NTRK3: variants seen among roughly 807,000 people sequenced by gnomAD.
NTRK3 encodes the protein NT-3 growth factor receptor.
NTRK3 carries 24 observed loss-of-function variants against 91.7 expected under a neutral mutation model. The ratio of observed to expected loss-of-function variants is 0.26; its 90% CI spans 0.19 to 0.37. The LOEUF is 0.37. Ranked by LOEUF, NTRK3 falls within the 10% of genes least tolerant of loss-of-function variation. The pLI is 1.00. For missense variants in NTRK3, 880 were observed against 1,068.9 expected, an observed-to-expected ratio of 0.82 and a Z score of 2.46; for synonymous variants, 483 against 404.0, an observed-to-expected ratio of 1.20 and a Z score of -2.34.
exon 19 of NTRK3, chr15:87,860,402 C>T: frequency 4.5e-6 from 1 of 220,534 alleles, no homozygotes; most frequent in Non-Finnish European, 9.1e-6. Flanking sequence ...AGGGTGGGCA[C>T]TTGCCTTTTC....
At chr15:87,946,502 A>G (rs1331930441) in intron 14 of NTRK3, among the ~76,000 whole-genome samples, 1 of 152,008 alleles carries the variant, frequency 6.6e-6, no homozygotes, top group African/African-American at 2.4e-5. Context: ...TGTCTTGGGG[A>G]CCACGTGTGT....
At chr15:87,932,659 G>C (rs1317458967) in intron 16 of NTRK3, among the ~76,000 whole-genome samples, 1 of 152,150 alleles carries the variant, frequency 6.6e-6, no homozygotes, top group African/African-American at 2.4e-5. Context: ...AAGGGAGAAA[G>C]CTATTTGCAA....
At chr15:88,152,453 T>A (rs1263892846) in intron 5 of NTRK3, among the ~76,000 whole-genome samples, 2 of 151,954 alleles carry the variant, frequency 1.3e-5, no homozygotes, top group East Asian at 3.8e-4. Flanking sequence ...AAGAAGAGAA[T>A]TAGGACACAG....
At chr15:88,073,784 C>G (rs750408473) in intron 13 of NTRK3, among the ~76,000 whole-genome samples, 7 of 151,970 alleles carry the variant, frequency 4.6e-5, no homozygotes, top group Non-Finnish European at 1.0e-4. Context: ...AACACCCCCC[C>G]GCCCCACCCC....
intron 5 of NTRK3, among the ~76,000 whole-genome samples, chr15:88,155,449 C>T (rs1199812456): frequency 6.6e-6 from 1 of 152,198 alleles, no homozygotes; most frequent in Non-Finnish European, 1.5e-5. Context: ...CCTGATGAGA[C>T]CCATGTTGAA....
At chr15:87,995,894 T>C (rs1320276724) in intron 14 of NTRK3, among the ~76,000 whole-genome samples, 3 of 152,224 alleles carry the variant, frequency 2.0e-5, no homozygotes, top group African/African-American at 7.2e-5. Flanking sequence ...GAATTTCATA[T>C]AATTTTCACG....
intron 3 of NTRK3, among the ~76,000 whole-genome samples, chr15:88,250,036 C>A (rs1055710473): frequency 3.3e-5 from 5 of 152,236 alleles, no homozygotes; most frequent in African/African-American, 4.8e-5. Context: ...AACCCCAGGG[C>A]CTCAGGAGAC....
At chr15:87,924,648 C>A (rs897209353) in intron 17 of NTRK3, among the ~76,000 whole-genome samples, 1 of 152,196 alleles carries the variant, frequency 6.6e-6, no homozygotes, top group African/African-American at 2.4e-5. Context: ...CTGCCTGCAG[C>A]TGCATTCCAC....
chr15:88,140,032 G>C (rs1377689069), intron 6 of NTRK3, among the ~76,000 whole-genome samples: 2 of 152,172 alleles, frequency 1.3e-5, no homozygotes, highest in African/African-American at 2.4e-5. Context: ...GACAGAAAAT[G>C]TGTCAAGGAG....
chr15:88,242,729 T>C (rs1468508482), intron 3 of NTRK3, among the ~76,000 whole-genome samples: 2 of 152,346 alleles, frequency 1.3e-5, no homozygotes, highest in South Asian at 2.1e-4. Flanking sequence ...AGGCTGGCCC[T>C]GCTAGCGCAT....
chr15:88,192,334 C>G (rs1161895867), intron 3 of NTRK3, among the ~76,000 whole-genome samples: 1 of 152,106 alleles, frequency 6.6e-6, no homozygotes, highest in Non-Finnish European at 1.5e-5. Context: ...GTGGCTGAAC[C>G]CCAGCCTGTG....
At chr15:87,925,464 C>CACACACACACACAT (rs2068219263) in intron 17 of NTRK3, 2 of 200,612 alleles carry the variant, frequency 1.0e-5, no homozygotes, top group South Asian at 3.8e-4. Context: ...CACACACACA[C>CACACACACACACAT]ACACAGGCCT....
intron 14 of NTRK3, among the ~76,000 whole-genome samples, chr15:88,012,084 C>T (rs772670630): frequency 3.9e-5 from 6 of 152,178 alleles, no homozygotes; most frequent in Non-Finnish European, 5.9e-5. Context: ...AGCTCACCCA[C>T]CCTGTACCCT....
chr15:87,923,634 T>A (rs1489785764), intron 17 of NTRK3, among the ~76,000 whole-genome samples: 1 of 152,162 alleles, frequency 6.6e-6, no homozygotes, highest in Non-Finnish European at 1.5e-5. Context: ...GCCTTGTCCA[T>A]TTTGGAATTG....
chr15:87,903,499 C>G (rs562969832), intron 17 of NTRK3, among the ~76,000 whole-genome samples: 2 of 152,306 alleles, frequency 1.3e-5, no homozygotes, highest in Admixed American at 1.3e-4. Flanking sequence ...TCATCCTGTT[C>G]TAGGGGCTTG....
At chr15:87,933,332 C>G (rs2068971696) in intron 15 of NTRK3, 148 bp from the exon 16 acceptor site, 1 of 779,634 alleles carries the variant, frequency 1.3e-6, no homozygotes, top group Non-Finnish European at 2.0e-6. Flanking sequence ...AGCTCAATCT[C>G]AACTATAAGG....
intron 16 of NTRK3, among the ~76,000 whole-genome samples, chr15:87,932,081 G>A (rs1335265874): frequency 1.3e-5 from 2 of 152,188 alleles, no homozygotes; most frequent in Non-Finnish European, 2.9e-5. Context: ...GAAGGCAGAG[G>A]AGTCCTAACT....
chr15:88,147,467 G>T, intron 5 of NTRK3, 64 bp from the exon 6 acceptor site: 2 of 1,353,404 alleles, frequency 1.5e-6, no homozygotes, highest in African/African-American at 1.4e-5. Context: ...GCTCTAGGTA[G>T]TAAGCTTAAT....
At chr15:88,091,431 C>A (rs781754466) in intron 13 of NTRK3, among the ~76,000 whole-genome samples, 2 of 152,218 alleles carry the variant, frequency 1.3e-5, no homozygotes, top group Non-Finnish European at 2.9e-5. Flanking sequence ...CTTCACTTAT[C>A]GTTTCCTCTG....
Sources: allele counts gnomAD v4.1 joint callset (sites outside exome capture counted in the v4.1 genomes callset), GRCh38; gene constraint gnomAD v4.1.1; transcripts MANE v1.5; gene names NCBI Gene and HGNC (gene_info 2026-07-23, HGNC 2026-07-21).